Variants in COL21A1 observed in about 807,000 individuals in gnomAD.
COL21A1 encodes the protein collagen type XXI alpha 1 chain, also known as collagen alpha-1(XXI) chain.
Under a neutral mutation model 137.9 loss-of-function variants are expected in COL21A1, and 149 were observed. The observed-to-expected ratio is 1.08, with a 90% CI of 0.95 to 1.24. COL21A1 has a LOEUF of 1.24. Ranked by LOEUF, COL21A1 falls within the 50% of genes most tolerant of loss-of-function variation. The pLI is 0.00. For synonymous variants in COL21A1, 456 were observed against 391.5 expected, an observed-to-expected ratio of 1.16 and a Z score of -1.95; for missense variants, 1,167 against 1,158.4, an observed-to-expected ratio of 1.01 and a Z score of -0.11.
At chr6:56,102,852 G>A (rs986022424) in intron 16 of COL21A1, among the ~76,000 whole-genome samples, 2 of 152,148 alleles carry the variant, frequency 1.3e-5, no homozygotes, top group African/African-American at 4.8e-5. Context: ...AATAGAAGGA[G>A]CAAAGATTAA....
At chr6:56,165,813 G>T (rs1011469646) in intron 7 of COL21A1, among the ~76,000 whole-genome samples, 3 of 151,802 alleles carry the variant, frequency 2.0e-5, no homozygotes, top group Non-Finnish European at 4.4e-5. Flanking sequence ...AAATATCACT[G>T]GGAATTTACA....
chr6:56,109,211 A>G (rs941418411), intron 16 of COL21A1, among the ~76,000 whole-genome samples: 4 of 151,706 alleles, frequency 2.6e-5, no homozygotes, highest in African/African-American at 9.7e-5. Context: ...GATAAAAGTA[A>G]AAAACAAAAA....
Position 56,307,263 on chromosome 6 carries a change from C to G in COL21A1, c.-39+86708G>C, listed in dbSNP as rs896975440. Among the ~76,000 whole-genome samples the G allele has an allele frequency of 2.6e-5, 4 of 152,176 alleles. No homozygotes were observed. In the East Asian group the frequency reaches 7.7e-4, roughly 29 times the overall value. On this transcript the variant is annotated intron_variant, in intron 1 of 28. Coordinates refer to the COL21A1 transcript ENST00000370819. ...TCTCTTCAAAGCTGTAAGACAGGGA[C>G]ATTTAAGTCTGCAGAGGATTCTGCT...
upstream of COL21A1, among the ~76,000 whole-genome samples, chr6:56,251,752 G>C (rs1437430474): frequency 6.6e-6 from 1 of 152,210 alleles, no homozygotes; most frequent in Non-Finnish European, 1.5e-5. Context: ...CATTCACAAA[G>C]ACAAGCAGTT....
intron 1 of COL21A1, among the ~76,000 whole-genome samples, chr6:56,373,670 T>G (rs2093994123): frequency 6.6e-6 from 1 of 152,218 alleles, no homozygotes; most frequent in African/African-American, 2.4e-5. Flanking sequence ...TATAACATGT[T>G]TTGAAATATG....
intron 17 of COL21A1, among the ~76,000 whole-genome samples, chr6:56,083,333 C>G (rs1242358921): frequency 6.6e-6 from 1 of 151,944 alleles, no homozygotes; most frequent in Non-Finnish European, 1.5e-5. Context: ...TGGTTTACAG[C>G]CCCAAGGAAT....
chr6:56,318,915 T>C (rs200033460), intron 1 of COL21A1, among the ~76,000 whole-genome samples: 1 of 106,982 alleles, frequency 9.3e-6, no homozygotes, highest in African/African-American at 3.4e-5. Flanking sequence ...CTACCCCACC[T>C]CCCCCCAAAC....
At chr6:56,129,380 G>A (rs952604105) in intron 12 of COL21A1, among the ~76,000 whole-genome samples, 6 of 151,994 alleles carry the variant, frequency 3.9e-5, no homozygotes, top group South Asian at 2.1e-4. Flanking sequence ...CTTTATAAGT[G>A]ACAGCAACAC....
At chr6:56,309,083 G>A (rs1421017859) in intron 1 of COL21A1, among the ~76,000 whole-genome samples, 1 of 147,702 alleles carries the variant, frequency 6.8e-6, no homozygotes, top group Non-Finnish European at 1.5e-5. Flanking sequence ...TTGATCTGTC[G>A]CCCGGCTGGA....
rs182266911 is a variant in COL21A1, at chr6:56,074,022, G to A, written c.1965+210C>T. ...GGGGGCTGAGCAGCAGGAGATTCTGGACCCTTTCCAACATAACAGGATGAG... is the reference window on the plus strand; with the variant it reads ...GGGGGCTGAGCAGCAGGAGATTCTGAACCCTTTCCAACATAACAGGATGAG... On this transcript the variant is annotated intron_variant, in intron 20 of 29. Transcript: ENST00000244728. Among the ~76,000 whole-genome samples the A allele has an allele frequency of 4.6e-5, 7 of 151,412 alleles. No individual in the cohort carries two copies. In the East Asian group the frequency reaches 1.4e-3, roughly 30 times the overall value.
intron 1 of COL21A1, among the ~76,000 whole-genome samples, chr6:56,265,101 G>T (rs1280319522): frequency 6.6e-6 from 1 of 152,204 alleles, no homozygotes; most frequent in Admixed American, 6.5e-5. Flanking sequence ...TTGAGCAGGA[G>T]GAGAGGACAG....
intron 1 of COL21A1, among the ~76,000 whole-genome samples, chr6:56,318,711 A>G (rs1376372590): frequency 6.6e-6 from 1 of 151,842 alleles, no homozygotes; most frequent in African/African-American, 2.4e-5. Context: ...TCTCAAGCAC[A>G]CCTCTCCTGA....
intron 3 of COL21A1, among the ~76,000 whole-genome samples, chr6:56,177,457 T>C (rs1777570410): frequency 6.6e-6 from 1 of 152,164 alleles, no homozygotes; most frequent in Non-Finnish European, 1.5e-5. Context: ...AATATAGCAA[T>C]GTTTTAGTTT....
intron 1 of COL21A1, among the ~76,000 whole-genome samples, chr6:56,266,154 T>C (rs1763386914): frequency 6.6e-6 from 1 of 152,198 alleles, no homozygotes; most frequent in African/African-American, 2.4e-5. Context: ...AGTGAATTAG[T>C]GTTATCTTAG....
At chr6:56,286,320 CAT>C (rs1374729236) in intron 1 of COL21A1, among the ~76,000 whole-genome samples, 1 of 152,218 alleles carries the variant, frequency 6.6e-6, no homozygotes, top group Non-Finnish European at 1.5e-5. Context: ...TATACAAACA[CAT>C]GTGAACACAC....
intron 14 of COL21A1, 94 bp downstream of exon 14, chr6:56,125,473 G>C: frequency 1.2e-6 from 1 of 842,340 alleles, no homozygotes; most frequent in Non-Finnish European, 1.9e-6. Flanking sequence ...AGAGCTAACT[G>C]TTCTAATGCT....
intron 1 of COL21A1, among the ~76,000 whole-genome samples, chr6:56,268,742 C>A (rs1343022461): frequency 6.6e-6 from 1 of 152,162 alleles, no homozygotes; most frequent in Non-Finnish European, 1.5e-5. Context: ...GTTCCCTTAC[C>A]TCCAAACAAG....
chr6:56,257,039 A>T (rs1172973065), intron 1 of COL21A1, among the ~76,000 whole-genome samples: 3 of 152,202 alleles, frequency 2.0e-5, no homozygotes, highest in Non-Finnish European at 4.4e-5. Flanking sequence ...TTAAACACTG[A>T]TTTACAATGT....
chr6:56,281,010 A>T (rs771079171), intron 1 of COL21A1, among the ~76,000 whole-genome samples: 29 of 151,028 alleles, frequency 1.9e-4, no homozygotes, highest in East Asian at 1.9e-4. Context: ...GTCTCAAAAA[A>T]TAAAGATAAA....
Sources: allele counts gnomAD v4.1 joint callset (sites outside exome capture counted in the v4.1 genomes callset), GRCh38; gene constraint gnomAD v4.1.1; transcripts MANE v1.5; gene names NCBI Gene and HGNC (gene_info 2026-07-23, HGNC 2026-07-21).